ENPP3: variants seen among roughly 807,000 people sequenced by gnomAD.
ENPP3 encodes ectonucleotide pyrophosphatase/phosphodiesterase 3, also known as ectonucleotide pyrophosphatase/phosphodiesterase family member 3.
A neutral mutation model predicts 117.8 loss-of-function variants in ENPP3; 104 were observed. That is an observed-to-expected ratio of 0.88 (90% CI 0.75 to 1.04). The LOEUF (loss-of-function observed/expected upper bound fraction) is 1.04. Ranked by LOEUF, ENPP3 falls within the 50% of genes least tolerant of loss-of-function variation. The pLI, the probability that ENPP3 is intolerant of heterozygous loss-of-function variation, is 0.00. For missense variants in ENPP3, 1,026 were observed against 1,051.9 expected, an observed-to-expected ratio of 0.98 and a Z score of 0.34; for synonymous variants, 380 against 349.9, an observed-to-expected ratio of 1.09 and a Z score of -0.96.
At chr6:131,710,899 G>A (rs2114501261) in intron 15 of ENPP3, 1 of 1,604,144 alleles carries the variant, frequency 6.2e-7, no homozygotes, top group South Asian at 1.1e-5. Flanking sequence ...CAGTTCCGAT[G>A]GAAAACCATA....
At chr6:131,661,340 A>C (rs1011666609) in intron 6 of ENPP3, among the ~76,000 whole-genome samples, 4 of 152,076 alleles carry the variant, frequency 2.6e-5, no homozygotes, top group Admixed American at 2.0e-4. Context: ...TTCTACCAAC[A>C]GTGTACAAGA....
chr6:131,664,251 TG>T (rs1241874765), intron 6 of ENPP3, among the ~76,000 whole-genome samples: 1 of 152,122 alleles, frequency 6.6e-6, no homozygotes, highest in Non-Finnish European at 1.5e-5. Flanking sequence ...CTTGACCCCA[TG>T]TAGGTGTGGG....
chr6:131,640,466 C>T (rs998528515), intron 1 of ENPP3, among the ~76,000 whole-genome samples: 1 of 152,176 alleles, frequency 6.6e-6, no homozygotes, highest in Admixed American at 6.5e-5. Context: ...TGTAACATAG[C>T]TTCCCAATTG....
rs753851984 is a variant in ENPP3, at chr6:131,746,833, C to T, written c.2505C>T (p.His835=). ...ALWVEERFTA[H]IARVRDVELL... is the part of the protein sequence containing the mutation. ...GGGTTGAAGAAAGATTTACAGCTCA[C>T]ATTGCCCGGGTCCGTGATGTAGAAC... Residue 835 remains histidine (H), a synonymous_variant, in exon 25 of 25, where the codon CAC becomes CAT. Coordinates refer to ENST00000357639, the MANE Select transcript of ENPP3 (RefSeq NM_005021.5). The T allele has an allele frequency of 1.2e-6, 2 of 1,612,850 alleles. No individual in the cohort carries two copies. Among genetic ancestry groups the T allele is most frequent in the Non-Finnish European group, 1.7e-6 (2 of 1,179,600 alleles).
chr6:131,692,771 A>G (rs1779308315), intron 14 of ENPP3, among the ~76,000 whole-genome samples: 1 of 145,672 alleles, frequency 6.9e-6, no homozygotes, highest in South Asian at 2.1e-4. Flanking sequence ...TATATATGAT[A>G]TATGGTTATA....
chr6:131,663,969 G>A (rs550312270), intron 6 of ENPP3, among the ~76,000 whole-genome samples: 141 of 152,246 alleles, frequency 9.3e-4, no homozygotes, highest in African/African-American at 3.0e-3. Flanking sequence ...GGGCTCAGGC[G>A]ATCCTCCCAC....
chr6:131,695,551 T>G (rs1779386402), intron 15 of ENPP3, among the ~76,000 whole-genome samples: 1 of 152,190 alleles, frequency 6.6e-6, no homozygotes, highest in African/African-American at 2.4e-5. Context: ...TTTCTTGCCA[T>G]TAACATACAA....
chr6:131,728,484 A>C (rs1279345380), intron 20 of ENPP3, among the ~76,000 whole-genome samples: 1 of 152,180 alleles, frequency 6.6e-6, no homozygotes, highest in Non-Finnish European at 1.5e-5. Context: ...CCTTTCACTG[A>C]TCCCACAGAA....
chr6:131,732,710 CATTATTATTATT>C (rs71030755), intron 20 of ENPP3, among the ~76,000 whole-genome samples: 9,131 of 131,708 alleles, frequency 0.069, 1,002 homozygotes, highest in African/African-American at 0.24. Context: ...TGGCCTAAGA[CATTATTATTATT>C]ATTATTATTA....
intron 2 of ENPP3, among the ~76,000 whole-genome samples, chr6:131,646,341 T>C: frequency 6.6e-6 from 1 of 151,758 alleles, no homozygotes; most frequent in East Asian, 1.9e-4. Flanking sequence ...CCCTGCATTA[T>C]TTCCTTTTCA....
intron 19 of ENPP3, 110 bp downstream of exon 19, chr6:131,724,201 G>A: frequency 2.8e-5 from 15 of 526,734 alleles, no homozygotes; most frequent in South Asian, 5.6e-5. Flanking sequence ...TGAACATAAA[G>A]ATTTTATTGC....
intron 6 of ENPP3, among the ~76,000 whole-genome samples, chr6:131,666,694 A>T (rs1045749942): frequency 6.6e-6 from 1 of 152,200 alleles, no homozygotes; most frequent in African/African-American, 2.4e-5. Flanking sequence ...TCTGTTAGGA[A>T]AATTGTATCT....
rs774510720 is a variant in ENPP3, at chr6:131,652,833, G to A, written c.406G>A (p.Glu136Lys). The A allele has an allele frequency of 1.9e-6, 3 of 1,613,132 alleles. No homozygotes were observed. The East Asian group carries it at 6.7e-5, about 36-fold the overall frequency. ...GATTTTGATCTTATGCTTTTCAGGA[G>A]AAACCTCATGGCTGGAAGAAAACTG... is the stretch of plus-strand genomic sequence containing the variant. ...CADYKSVCQG[E>K]TSWLEENCDT... Residue 136 changes from glutamate to lysine, a missense_variant and splice_region_variant, in exon 5 of 25, where the codon GAA becomes AAA. Coordinates refer to ENST00000357639, the MANE Select transcript of ENPP3 (RefSeq NM_005021.5).
At chr6:131,744,802 T>TACACACACAC (rs72401502) in intron 24 of ENPP3, among the ~76,000 whole-genome samples, 9 of 146,766 alleles carry the variant, frequency 6.1e-5, no homozygotes, top group African/African-American at 1.7e-4. Context: ...AGGTCATTTA[T>TACACACACAC]ACACACACAC....
chr6:131,722,592 A>T (rs2114532703), intron 18 of ENPP3, among the ~76,000 whole-genome samples, 187 bp downstream of exon 18: 1 of 152,304 alleles, frequency 6.6e-6, no homozygotes, highest in East Asian at 1.9e-4. Flanking sequence ...TTGTAAGATT[A>T]AGTAGGGAAA....
chr6:131,639,458 A>C (rs907290435), intron 1 of ENPP3, among the ~76,000 whole-genome samples: 11 of 151,862 alleles, frequency 7.2e-5, no homozygotes, highest in Non-Finnish European at 1.6e-4. Context: ...CTAGCTTATC[A>C]ATTCAGGAAA....
chr6:131,717,324 G>T (rs923544618), intron 15 of ENPP3, among the ~76,000 whole-genome samples: 1 of 148,184 alleles, frequency 6.7e-6, no homozygotes, highest in Non-Finnish European at 1.5e-5. Flanking sequence ...AGTCGAGTTT[G>T]TAAAAACAAA....
chr6:131,737,215 A>G, intron 21 of ENPP3, 140 bp from the exon 22 acceptor site: 1 of 571,874 alleles, frequency 1.7e-6, no homozygotes, highest in South Asian at 2.6e-5. Context: ...TGCATTATTA[A>G]CAACCTCTGT....
intron 7 of ENPP3, among the ~76,000 whole-genome samples, chr6:131,672,667 A>G (rs1419455357): frequency 1.3e-5 from 2 of 151,740 alleles, no homozygotes; most frequent in Non-Finnish European, 2.9e-5. Context: ...AATTGACTAT[A>G]TATACATAAA....
Sources: gnomAD v4.1 joint callset for allele counts (sites outside exome capture counted in the v4.1 genomes callset) on GRCh38, gnomAD v4.1.1 for gene constraint, MANE v1.5 for transcripts, NCBI Gene and HGNC (gene_info 2026-07-23, HGNC 2026-07-21) for gene names.